HCRTR2: variants seen among roughly 807,000 people sequenced by gnomAD.
HCRTR2 encodes the protein hypocretin receptor 2, also known as orexin receptor type 2.
HCRTR2 carries 22 observed loss-of-function variants against 49.0 expected under a neutral mutation model. That is an observed-to-expected ratio of 0.45 (90% CI 0.32 to 0.64). The LOEUF (loss-of-function observed/expected upper bound fraction) is 0.64, where lower values mean the gene tolerates loss of function less well. HCRTR2 is among the 30% of genes least tolerant of loss of function. The probability of loss-of-function intolerance (pLI) is 0.04; values close to 1 mark genes in which losing one functional copy is unlikely to be tolerated. For synonymous variants in HCRTR2, 236 were observed against 205.3 expected, an observed-to-expected ratio of 1.15 and a Z score of -1.28; for missense variants, 491 against 559.4, an observed-to-expected ratio of 0.88 and a Z score of 1.23.
intron 1 of HCRTR2, among the ~76,000 whole-genome samples, chr6:55,185,352 C>T (rs1765199439): frequency 6.6e-6 from 1 of 152,094 alleles, no homozygotes; most frequent in South Asian, 2.1e-4. Context: ...CTCAGAGATT[C>T]CTGAAAATCA....
At chr6:55,239,202 G>A (rs925894913) in intron 1 of HCRTR2, among the ~76,000 whole-genome samples, 5 of 152,126 alleles carry the variant, frequency 3.3e-5, no homozygotes, top group East Asian at 3.9e-4. Flanking sequence ...GGAACCTTCC[G>A]TCTTCCTAAC....
chr6:55,225,717 T>C (rs1765991473), intron 1 of HCRTR2, among the ~76,000 whole-genome samples: 1 of 152,244 alleles, frequency 6.6e-6, no homozygotes, highest in Non-Finnish European at 1.5e-5. Flanking sequence ...ATGTTATAAC[T>C]AATAGTCAAT....
intron 1 of HCRTR2, among the ~76,000 whole-genome samples, chr6:55,236,278 G>T (rs1766211482): frequency 6.6e-6 from 1 of 151,484 alleles, no homozygotes; most frequent in African/African-American, 2.4e-5. Context: ...TATTTAAATT[G>T]CATTTTCTAG....
At chr6:55,117,526 C>T (rs554414274) in intron 1 of HCRTR2, among the ~76,000 whole-genome samples, 2 of 151,702 alleles carry the variant, frequency 1.3e-5, no homozygotes, top group South Asian at 4.1e-4. Context: ...GAATATTCAT[C>T]ACCTCAAACA....
chr6:55,268,765 T>C (rs907379126), intron 4 of HCRTR2, among the ~76,000 whole-genome samples: 1 of 151,888 alleles, frequency 6.6e-6, no homozygotes, highest in African/African-American at 2.4e-5. Context: ...ACAATTATAG[T>C]TGAAAATGTT....
At chr6:55,116,561 T>C (rs1764119475) in intron 1 of HCRTR2, among the ~76,000 whole-genome samples, 1 of 151,384 alleles carries the variant, frequency 6.6e-6, no homozygotes, top group Non-Finnish European at 1.5e-5. Context: ...CACCAATTTG[T>C]GGTTAAAATT....
At chr6:55,138,739 C>T (rs1764464732) in intron 1 of HCRTR2, among the ~76,000 whole-genome samples, 1 of 152,202 alleles carries the variant, frequency 6.6e-6, no homozygotes. Flanking sequence ...TACTCTCCGG[C>T]ACACTTATTC....
intron 1 of HCRTR2, among the ~76,000 whole-genome samples, chr6:55,245,469 T>TTATATATATATATATATATATATA (rs745939954): frequency 2.5e-4 from 14 of 56,766 alleles, no homozygotes; most frequent in African/African-American, 6.8e-4. Context: ...TAGGAAGATT[T>TTATATATATATATATATATATATA]TATATATATA....
At chr6:55,211,644 T>C (rs1465351341) in intron 1 of HCRTR2, among the ~76,000 whole-genome samples, 2 of 152,174 alleles carry the variant, frequency 1.3e-5, no homozygotes, top group Non-Finnish European at 2.9e-5. Context: ...CTTTTCCTTT[T>C]CAACTGTGCC....
Position 55,175,573 on chromosome 6 carries a change from GTTGTT to G in HCRTR2, c.223+781_223+785del, listed in dbSNP as rs1228217311. ...GAATTATTCATGTCAACTGTTTGTT[GTTGTT>G]TTGTTTTGTTTTGTTTTCTCCAAAG... is the stretch of plus-strand genomic sequence containing the variant. On this transcript the variant is annotated intron_variant, in intron 1 of 6. Coordinates refer to ENST00000370862, the MANE Select transcript of HCRTR2 (RefSeq NM_001384272.1). Among the ~76,000 whole-genome samples the G allele has an allele frequency of 7.9e-5, 12 of 151,822 alleles. 1 individual carries two copies. The highest frequency in any genetic ancestry group is 1.9e-4 in the East Asian group (1 of 5,158).
chr6:55,161,303 A>T (rs1218840498), intron 1 of HCRTR2, among the ~76,000 whole-genome samples: 2 of 152,200 alleles, frequency 1.3e-5, no homozygotes, highest in Non-Finnish European at 2.9e-5. Flanking sequence ...AAGACACAAC[A>T]TACCAGAATC....
At chr6:55,221,102 G>A (rs193210184) in intron 1 of HCRTR2, among the ~76,000 whole-genome samples, 2 of 152,118 alleles carry the variant, frequency 1.3e-5, no homozygotes, top group Admixed American at 6.5e-5. Context: ...TAGAAAACTC[G>A]ATATTGTTAA....
At chr6:55,162,005 C>T (rs1437363460) in intron 1 of HCRTR2, among the ~76,000 whole-genome samples, 1 of 152,102 alleles carries the variant, frequency 6.6e-6, no homozygotes, top group Non-Finnish European at 1.5e-5. Flanking sequence ...CATCCTGATA[C>T]CAAAACCTGG....
chr6:55,187,765 C>T (rs1179355008), intron 1 of HCRTR2, among the ~76,000 whole-genome samples: 1 of 131,762 alleles, frequency 7.6e-6, no homozygotes, highest in East Asian at 2.4e-4. Flanking sequence ...AATACCTTTA[C>T]ATATTATCAA....
At chr6:55,283,913 CA>C (rs1767240040), downstream of HCRTR2, among the ~76,000 whole-genome samples, 1 of 152,102 alleles carries the variant, frequency 6.6e-6, no homozygotes, top group Admixed American at 6.6e-5. Flanking sequence ...TGACTCAAAG[CA>C]AAAACTATCT....
At chr6:55,156,772 A>G (rs937790593) in intron 1 of HCRTR2, among the ~76,000 whole-genome samples, 35 of 152,190 alleles carry the variant, frequency 2.3e-4, no homozygotes, top group Admixed American at 2.2e-3. Flanking sequence ...AGTGCAATAA[A>G]TAATAGTAAT....
intron 1 of HCRTR2, among the ~76,000 whole-genome samples, chr6:55,126,523 A>G (rs762677754): frequency 2.6e-5 from 4 of 152,156 alleles, no homozygotes; most frequent in Non-Finnish European, 5.9e-5. Context: ...GCTCTCCTGT[A>G]TGAGGTGTCT....
intron 4 of HCRTR2, among the ~76,000 whole-genome samples, chr6:55,269,439 A>G (rs560618843): frequency 5.8e-4 from 88 of 152,302 alleles, no homozygotes; most frequent in South Asian, 2.3e-3. Context: ...AGGTTATGTG[A>G]TATTTTATAT....
intron 1 of HCRTR2, among the ~76,000 whole-genome samples, chr6:55,127,582 G>A (rs1185431222): frequency 6.6e-6 from 1 of 151,068 alleles, no homozygotes; most frequent in Non-Finnish European, 1.5e-5. Flanking sequence ...TGAGGTCTGA[G>A]AAATCTTTGT....
Sources: gnomAD v4.1 joint callset for allele counts (sites outside exome capture counted in the v4.1 genomes callset) on GRCh38, gnomAD v4.1.1 for gene constraint, MANE v1.5 for transcripts, NCBI Gene and HGNC (gene_info 2026-07-23, HGNC 2026-07-21) for gene names.